The following CSMD1 variants were observed in gnomAD, a reference collection of about 807,000 sequenced individuals.
CSMD1 encodes the protein CUB and sushi domain-containing protein 1.
CSMD1 carries 213 observed loss-of-function variants against 417.5 expected under a neutral mutation model. That is an observed-to-expected ratio of 0.51 (90% confidence interval 0.46 to 0.57). The LOEUF (loss-of-function observed/expected upper bound fraction) is 0.57, where lower values mean the gene tolerates loss of function less well. CSMD1 is among the 20% of genes least tolerant of loss of function. The probability of loss-of-function intolerance (pLI) is 0.00; values close to 1 mark genes in which losing one functional copy is unlikely to be tolerated. For missense variants in CSMD1, 6,923 were observed against 4,529.7 expected, an observed-to-expected ratio of 1.53 and a Z score of -15.17; for synonymous variants, 2,862 against 1,736.8, an observed-to-expected ratio of 1.65 and a Z score of -16.11.
chr8:4,552,893 T>G (rs1797934283), intron 2 of CSMD1, among the ~76,000 whole-genome samples: 1 of 152,174 alleles, frequency 6.6e-6, no homozygotes, highest in Non-Finnish European at 1.5e-5. Flanking sequence ...ACCTCTTCCC[T>G]AGGAACAGGT....
chr8:3,987,158 G>A (rs935542782), intron 5 of CSMD1, among the ~76,000 whole-genome samples: 2 of 152,124 alleles, frequency 1.3e-5, no homozygotes, highest in Admixed American at 6.5e-5. Context: ...AGTTCTATGG[G>A]AGAAAGCAAT....
At chr8:3,442,980 T>G (rs1355636379) in intron 12 of CSMD1, among the ~76,000 whole-genome samples, 2 of 152,202 alleles carry the variant, frequency 1.3e-5, no homozygotes, top group African/African-American at 4.8e-5. Flanking sequence ...ATTTAAATCA[T>G]TAAAATTGTC....
intron 50 of CSMD1, among the ~76,000 whole-genome samples, chr8:3,031,141 A>G (rs2670066): frequency 0.042 from 6,429 of 152,080 alleles, 468 homozygotes; most frequent in African/African-American, 0.15. Context: ...AAGCCCTTAA[A>G]GGCTTTTAGC....
At chr8:3,030,112 A>G (rs1461857709) in intron 50 of CSMD1, among the ~76,000 whole-genome samples, 2 of 152,100 alleles carry the variant, frequency 1.3e-5, no homozygotes, top group African/African-American at 2.4e-5. Context: ...AAGGGCCTAG[A>G]ATATAGCAGT....
intron 1 of CSMD1, among the ~76,000 whole-genome samples, chr8:4,693,555 A>G (rs1376979609): frequency 6.6e-6 from 1 of 152,204 alleles, no homozygotes; most frequent in Non-Finnish European, 1.5e-5. Context: ...TATTTTAAAT[A>G]TGCATCAATC....
intron 23 of CSMD1, among the ~76,000 whole-genome samples, chr8:3,311,090 A>G (rs1805307308): frequency 7.8e-6 from 1 of 128,144 alleles, no homozygotes; most frequent in African/African-American, 2.5e-5. Context: ...TTAATGTAAT[A>G]TACCTAACTA....
intron 3 of CSMD1, among the ~76,000 whole-genome samples, chr8:4,098,284 G>T (rs1451980310): frequency 6.6e-6 from 1 of 152,006 alleles, no homozygotes; most frequent in Non-Finnish European, 1.5e-5. Flanking sequence ...CAGAACAAAA[G>T]GCAAGTAATT....
chr8:4,195,980 G>C (rs1799317574), intron 3 of CSMD1, among the ~76,000 whole-genome samples: 1 of 152,076 alleles, frequency 6.6e-6, no homozygotes, highest in Non-Finnish European at 1.5e-5. Context: ...GGGGCACCGA[G>C]GTGAGCGGAT....
chr8:3,776,904 G>A (rs76626439), intron 5 of CSMD1, among the ~76,000 whole-genome samples: 3 of 150,784 alleles, frequency 2.0e-5, no homozygotes, highest in Admixed American at 6.6e-5. Context: ...TTGCAGAGAC[G>A]GGGTCTCACC....
chr8:3,060,790 C>T (rs1812543734), intron 49 of CSMD1, among the ~76,000 whole-genome samples: 1 of 152,138 alleles, frequency 6.6e-6, no homozygotes, highest in African/African-American at 2.4e-5. Flanking sequence ...CATGAGAGCT[C>T]TTTCTTTGTG....
chr8:4,597,107 A>G lies in CSMD1; in HGVS notation c.302+40235T>C, dbSNP rs1240999046. On this transcript the variant is annotated intron_variant, in intron 2 of 69. Coordinates refer to ENST00000635120, the MANE Select transcript of CSMD1 (RefSeq NM_033225.6). The stretch of plus-strand genomic sequence containing the variant: ...GCATGAAAACAGACTAATACAACAC[A>G]CAATTTTTTTTTTTCTAGCATTTGC... Among the ~76,000 whole-genome samples, 4 of 75,436 alleles carry G rather than the reference A, an allele frequency of 5.3e-5. No individual in the cohort carries two copies. In the East Asian group the frequency reaches 1.6e-3, roughly 30 times the overall value. 49.5% of individuals were successfully genotyped at this position (75,436 alleles called of 152,430 possible).
chr8:3,502,497 G>C (rs1486241815), intron 10 of CSMD1, among the ~76,000 whole-genome samples: 1 of 152,092 alleles, frequency 6.6e-6, no homozygotes, highest in Non-Finnish European at 1.5e-5. Context: ...GATAAACTGT[G>C]GTATATCCAG....
intron 20 of CSMD1, among the ~76,000 whole-genome samples, chr8:3,359,999 T>C (rs1267732342): frequency 2.0e-5 from 3 of 152,214 alleles, no homozygotes; most frequent in African/African-American, 7.2e-5. Context: ...AATTGGTTAC[T>C]GTATCCCTCC....
At chr8:4,770,637 T>G (rs553136267) in intron 1 of CSMD1, among the ~76,000 whole-genome samples, 5 of 152,002 alleles carry the variant, frequency 3.3e-5, no homozygotes, top group East Asian at 1.9e-4. Context: ...CGGAAGAGAA[T>G]AGAGAGCTGA....
At chr8:4,575,125 T>C (rs539248684) in intron 2 of CSMD1, among the ~76,000 whole-genome samples, 4 of 152,352 alleles carry the variant, frequency 2.6e-5, no homozygotes, top group African/African-American at 7.2e-5. Flanking sequence ...GTTCATTCTT[T>C]CATTCAATAA....
intron 5 of CSMD1, among the ~76,000 whole-genome samples, chr8:3,791,243 T>G (rs1327790830): frequency 3.9e-5 from 6 of 152,214 alleles, no homozygotes; most frequent in African/African-American, 1.4e-4. Flanking sequence ...TTTTAGAGAT[T>G]CTATAATTAT....
intron 1 of CSMD1, among the ~76,000 whole-genome samples, chr8:4,902,129 G>A (rs148783357): frequency 3.3e-5 from 5 of 152,154 alleles, no homozygotes; most frequent in Admixed American, 3.3e-4. Flanking sequence ...TATCAATGAA[G>A]TTTGTTAAAA....
chr8:4,155,074 G>T (rs1024038554), intron 3 of CSMD1, among the ~76,000 whole-genome samples: 2 of 152,186 alleles, frequency 1.3e-5, no homozygotes, highest in Admixed American at 1.3e-4. Context: ...GGCCCGATTT[G>T]TGCTTTGAAC....
chr8:4,089,605 G>A (rs1015592933), intron 3 of CSMD1, among the ~76,000 whole-genome samples: 5 of 152,164 alleles, frequency 3.3e-5, no homozygotes. Flanking sequence ...GTTAAATGGG[G>A]ATAATAAAAT....
Sources: gnomAD v4.1 joint callset for allele counts (sites outside exome capture counted in the v4.1 genomes callset) on GRCh38, gnomAD v4.1.1 for gene constraint, MANE v1.5 for transcripts, NCBI Gene and HGNC (gene_info 2026-07-23, HGNC 2026-07-21) for gene names.